ATXN1: variants seen among roughly 807,000 people sequenced by gnomAD.
The protein encoded by ATXN1 is ataxin-1.
A neutral mutation model predicts 56.4 loss-of-function variants in ATXN1; 8 were observed. The observed-to-expected ratio is 0.14, with a 90% confidence interval of 0.08 to 0.26. The LOEUF (loss-of-function observed/expected upper bound fraction) is 0.26. Ranked by LOEUF, ATXN1 falls within the 10% of genes least tolerant of loss-of-function variation. The pLI is 1.00. For missense variants in ATXN1, 987 were observed against 1,106.5 expected, an observed-to-expected ratio of 0.89 and a Z score of 1.53; for synonymous variants, 514 against 494.6, an observed-to-expected ratio of 1.04 and a Z score of -0.52.
chr6:16,748,101 T>C (rs1760593955), intron 2 of ATXN1, among the ~76,000 whole-genome samples: 2 of 152,198 alleles, frequency 1.3e-5, no homozygotes, highest in African/African-American at 2.4e-5. Context: ...GCCAATCCCC[T>C]GAAACGGATA....
intron 6 of ATXN1, among the ~76,000 whole-genome samples, chr6:16,390,063 G>A (rs1407468136): frequency 6.6e-6 from 1 of 152,186 alleles, no homozygotes; most frequent in East Asian, 1.9e-4. Context: ...AGTGAAGCTT[G>A]TTCAAGGTGA....
intron 6 of ATXN1, among the ~76,000 whole-genome samples, chr6:16,444,145 G>GATCTAT (rs1759586693): frequency 6.6e-6 from 1 of 150,516 alleles, no homozygotes; most frequent in Non-Finnish European, 1.5e-5. Context: ...ACACACAATC[G>GATCTAT]ATCTATATCT....
At chr6:16,534,267 A>G (rs1761555543) in intron 4 of ATXN1, among the ~76,000 whole-genome samples, 2 of 152,074 alleles carry the variant, frequency 1.3e-5, no homozygotes, top group South Asian at 4.1e-4. Flanking sequence ...TAAGAGTTTT[A>G]ACCAATATGC....
rs546337978 is a variant in ATXN1 at position 16,523,738 on chromosome 6, T to C, written c.-360-1050A>G. On this transcript the variant is annotated intron_variant, in intron 4 of 7. Coordinates refer to ENST00000436367, the MANE Select transcript of ATXN1 (RefSeq NM_001128164.2). The stretch of plus-strand genomic sequence containing the variant: ...GAGGCCACATATCAGGCTGACTGAG[T>C]AATCCCGTGAGGAAGCCACAGTGTC... Among the ~76,000 whole-genome samples, 15 of 152,182 alleles carry C rather than the reference T, an allele frequency of 9.9e-5. No individual in the cohort carries two copies. In the East Asian group the frequency reaches 2.3e-3, roughly 24 times the overall value.
rs371131592 is a variant in ATXN1, at chr6:16,346,874, G to A, written c.-160-18404C>T. On this transcript the variant is annotated intron_variant, in intron 6 of 7. Coordinates refer to ENST00000436367, the MANE Select transcript of ATXN1 (RefSeq NM_001128164.2). ...GCCGGCTCCCTCAGCTTGCGCGGAG[G>A]TGTGGAAGGAGAGGCGTGGGTGGGA... Among the ~76,000 whole-genome samples, 20 of 152,348 alleles carry A rather than the reference G, an allele frequency of 1.3e-4. No homozygotes were observed. In the East Asian group the frequency reaches 1.9e-3, roughly 15 times the overall value.
intron 2 of ATXN1, among the ~76,000 whole-genome samples, chr6:16,668,773 ATTATT>A (rs1321319264): frequency 5.9e-5 from 9 of 151,858 alleles, no homozygotes; most frequent in South Asian, 2.1e-4. Flanking sequence ...TGGAGCTTTT[ATTATT>A]TTATTTTATT....
chr6:16,314,610 GTTATTA>G (rs1048581930), intron 7 of ATXN1, among the ~76,000 whole-genome samples: 6 of 151,856 alleles, frequency 4.0e-5, no homozygotes, highest in African/African-American at 1.4e-4. Flanking sequence ...TCAAAATATT[GTTATTA>G]TTATTATTTT....
At chr6:16,473,880 T>C (rs1450900442) in intron 6 of ATXN1, among the ~76,000 whole-genome samples, 2 of 152,166 alleles carry the variant, frequency 1.3e-5, no homozygotes, top group Non-Finnish European at 1.5e-5. Context: ...TATCCCTGGG[T>C]CATCTCTTTG....
At chr6:16,651,087 T>C (rs1241753889) in intron 3 of ATXN1, among the ~76,000 whole-genome samples, 1 of 152,204 alleles carries the variant, frequency 6.6e-6, no homozygotes, top group Non-Finnish European at 1.5e-5. Flanking sequence ...TTCTTTCATA[T>C]GAGAATTCTC....
At chr6:16,428,118 C>CTT (rs10650162) in intron 6 of ATXN1, among the ~76,000 whole-genome samples, 56,300 of 133,334 alleles carry the variant, frequency 0.42, 12,446 homozygotes, top group East Asian at 0.64. Flanking sequence ...TAGACCAGGC[C>CTT]TTTTTTTTTT....
At chr6:16,595,512 C>T (rs1210344424) in intron 3 of ATXN1, among the ~76,000 whole-genome samples, 1 of 152,258 alleles carries the variant, frequency 6.6e-6, no homozygotes, top group African/African-American at 2.4e-5. Flanking sequence ...GAAAGCACCA[C>T]AGCTGACGCT....
At chr6:16,627,288 T>C (rs1371120079) in intron 3 of ATXN1, among the ~76,000 whole-genome samples, 1 of 152,162 alleles carries the variant, frequency 6.6e-6, no homozygotes, top group Non-Finnish European at 1.5e-5. Context: ...TGCAGCAAAC[T>C]CAATGTTACC....
intron 3 of ATXN1, among the ~76,000 whole-genome samples, chr6:16,596,894 A>G (rs1027591078): frequency 2.0e-5 from 3 of 152,192 alleles, no homozygotes; most frequent in Admixed American, 2.0e-4. Context: ...AGCTGTTCAA[A>G]CAAGCTGAAG....
At chr6:16,548,629 T>A (rs78699134) in intron 4 of ATXN1, among the ~76,000 whole-genome samples, 2 of 151,920 alleles carry the variant, frequency 1.3e-5, no homozygotes, top group East Asian at 1.9e-4. Flanking sequence ...CTTTTTTTTT[T>A]AAAACAATAC....
intron 4 of ATXN1, among the ~76,000 whole-genome samples, chr6:16,557,408 C>T (rs1270333062): frequency 6.7e-6 from 1 of 149,832 alleles, no homozygotes; most frequent in Non-Finnish European, 1.5e-5. Context: ...ATAGGAACAA[C>T]TGCAAAGGTC....
At chr6:16,383,568 C>T (rs1758177518) in intron 6 of ATXN1, among the ~76,000 whole-genome samples, 1 of 152,146 alleles carries the variant, frequency 6.6e-6, no homozygotes, top group African/African-American at 2.4e-5. Context: ...CCCTTCCCCA[C>T]CACACACACT....
chr6:16,683,488 G>C (rs890592314), intron 2 of ATXN1, among the ~76,000 whole-genome samples: 2 of 152,216 alleles, frequency 1.3e-5, no homozygotes, highest in Non-Finnish European at 2.9e-5. Context: ...CCATAAGCCA[G>C]AGATGTTCAT....
chr6:16,308,187 G>A (rs1409902231), intron 7 of ATXN1, among the ~76,000 whole-genome samples: 7 of 152,154 alleles, frequency 4.6e-5, no homozygotes, highest in African/African-American at 7.2e-5. Flanking sequence ...TTAGCCAGGT[G>A]TGGTGGCAGG....
At chr6:16,389,652 T>G (rs566165912) in intron 6 of ATXN1, among the ~76,000 whole-genome samples, 1 of 152,216 alleles carries the variant, frequency 6.6e-6, no homozygotes, top group Admixed American at 6.5e-5. Context: ...GTGACACACC[T>G]TCTGCTCATT....
Sources: gnomAD v4.1 joint callset for allele counts (sites outside exome capture counted in the v4.1 genomes callset) on GRCh38, gnomAD v4.1.1 for gene constraint, MANE v1.5 for transcripts, NCBI Gene and HGNC (gene_info 2026-07-23, HGNC 2026-07-21) for gene names.